The following ATP1A1 variants were observed in gnomAD, a reference collection of about 807,000 sequenced individuals.
ATP1A1 encodes sodium/potassium-transporting ATPase subunit alpha-1.
In ATP1A1, 14 loss-of-function variants were observed where a neutral mutation model predicts 114.8. The observed-to-expected ratio is 0.12, with a 90% CI of 0.08 to 0.19. The LOEUF (loss-of-function observed/expected upper bound fraction) is 0.19. Ranked by LOEUF, ATP1A1 falls within the 10% of genes least tolerant of loss-of-function variation. The pLI is 1.00. For synonymous variants in ATP1A1, 471 were observed against 466.3 expected (o/e 1.01, Z -0.13); for missense variants, 524 against 1,290.7 (o/e 0.41, Z 9.10).
chr1:116,388,969 A>G lies in ATP1A1; in HGVS notation c.704A>G (p.Asn235Ser). 6.2e-7 allele frequency: 1 copy of G among 1,613,900 alleles called. No individual in the cohort carries two copies. Among genetic ancestry groups the G allele is most frequent in the Non-Finnish European group, 8.5e-7 (1 of 1,179,974 alleles). ...QTRSPDFTNE[N>S]PLETRNIAFF... Reference sequence around the variant, plus strand: ...AGGTCTCCAGATTTCACAAATGAAAACCCCCTGGAGACGAGGAACATTGCC... The same window carrying G: ...AGGTCTCCAGATTTCACAAATGAAAGCCCCCTGGAGACGAGGAACATTGCC... Residue 235 changes from asparagine (N) to serine (S), a missense_variant, in exon 7 of 23, where the codon AAC becomes AGC. Transcript: ENST00000295598. The surrounding 1 kb of genome is among the most constrained non-coding windows in gnomAD (Gnocchi z 5.6).
Position 116,398,264 on chromosome 1 carries a change from G to A in ATP1A1, c.2124+226G>A, listed in dbSNP as rs1262965949. Reference sequence around the variant, plus strand: ...AGGTGTCCACTGTGTCCCAGAGCCTGACCGCTCCGTGGAGTCATCTGATAT... The same window carrying A: ...AGGTGTCCACTGTGTCCCAGAGCCTAACCGCTCCGTGGAGTCATCTGATAT... On this transcript the variant is annotated intron_variant, in intron 15 of 22. Transcript: ENST00000295598. This position sits in a 1 kb window ranked among gnomAD's most constrained non-coding sequence, Gnocchi z 6.1. 6.6e-6 allele frequency among the ~76,000 whole-genome samples: 1 copy of A among 152,200 alleles called. No individual in the cohort carries two copies. Among genetic ancestry groups the A allele is most frequent in the Non-Finnish European group, 1.5e-5 (1 of 68,042 alleles).
Position 116,398,338 on chromosome 1 carries a change from G to A in ATP1A1, c.2125-283G>A, listed in dbSNP as rs555015366. Among the ~76,000 whole-genome samples, 5 of 152,288 alleles carry A rather than the reference G, an allele frequency of 3.3e-5. No individual in the cohort carries two copies. Among genetic ancestry groups the A allele is most frequent in the South Asian group, 2.1e-4 (1 of 4,822 alleles). On this transcript the variant is annotated intron_variant, in intron 15 of 22. Transcript: ENST00000295598. The surrounding 1 kb of genome is among the most constrained non-coding windows in gnomAD (Gnocchi z 6.1). Reference sequence around the variant, plus strand: ...GATGTGAGTGGTCAGACTACAGGGCGTGCATACAGGAATGGCATTTTCTGG... The same window carrying A: ...GATGTGAGTGGTCAGACTACAGGGCATGCATACAGGAATGGCATTTTCTGG...
intron 21 of ATP1A1, among the ~76,000 whole-genome samples, chr1:116,402,444 G>C (rs1490904320): frequency 6.6e-6 from 1 of 152,126 alleles, no homozygotes; most frequent in Admixed American, 6.5e-5. Context: ...AGACCCGTCT[G>C]GACCATCTCT....
chr1:116,384,649 C>T lies in ATP1A1; in HGVS notation c.124-134C>T. The T allele has an allele frequency of 1.4e-6, 1 of 727,094 alleles. No individual in the cohort carries two copies. Among genetic ancestry groups the T allele is most frequent in the Non-Finnish European group, 2.2e-6 (1 of 452,264 alleles). 45.0% of individuals were successfully genotyped at this position (727,094 alleles called of 1,614,324 possible). On this transcript the variant is annotated intron_variant, in intron 2 of 22. Coordinates refer to ENST00000295598, the MANE Select transcript of ATP1A1 (RefSeq NM_000701.8). The surrounding 1 kb of genome is among the most constrained non-coding windows in gnomAD (Gnocchi z 5.1). ...CCACAAAGCGATGGTGAAAATTGTA[C>T]CAACTTATGCACTGAAGAAAACATC...
chr1:116,395,823 C>T lies in ATP1A1; in HGVS notation c.1836+538C>T, dbSNP rs1012640541. Among the ~76,000 whole-genome samples, 9 of 152,320 alleles carry T rather than the reference C, an allele frequency of 5.9e-5. No homozygotes were observed. Among genetic ancestry groups the T allele is most frequent in the Admixed American group, 3.9e-4 (6 of 15,308 alleles). ...CTGGAATGTCATAGCACGATCTCGGCTCACTGCAACCTCCGCCTCCCAGGT... is the reference window on the plus strand; with the variant it reads ...CTGGAATGTCATAGCACGATCTCGGTTCACTGCAACCTCCGCCTCCCAGGT... On this transcript the variant is annotated intron_variant, in intron 13 of 22. Coordinates refer to ENST00000295598, the MANE Select transcript of ATP1A1 (RefSeq NM_000701.8). This position sits in a 1 kb window ranked among gnomAD's most constrained non-coding sequence, Gnocchi z 6.4.
intron 1 of ATP1A1, among the ~76,000 whole-genome samples, chr1:116,375,312 T>C (rs1285681928): frequency 6.6e-6 from 1 of 152,212 alleles, no homozygotes; most frequent in African/African-American, 2.4e-5. Flanking sequence ...ATTTACTCTT[T>C]AACATTGAGT....
In ATP1A1 at chr1:116,388,533, T is replaced by G; in HGVS notation, c.502-105T>G. 1 of 1,424,628 alleles carries G rather than the reference T, an allele frequency of 7.0e-7. No individual in the cohort carries two copies. Among genetic ancestry groups the G allele is most frequent in the Non-Finnish European group, 9.5e-7 (1 of 1,050,664 alleles). 88.2% of individuals were successfully genotyped at this position (1,424,628 alleles called of 1,614,324 possible). A position where few individuals can be genotyped will look rare whatever the true frequency, so the allele number is the denominator to read the frequency against. Reference sequence around the variant, plus strand: ...ATAAAAAAGTGAATAATATCTTTGTTTTGTATTCAGGTAATTAGGATTATG... The same window carrying G: ...ATAAAAAAGTGAATAATATCTTTGTGTTGTATTCAGGTAATTAGGATTATG... On this transcript the variant is annotated intron_variant, in intron 5 of 22. Transcript: ENST00000295598. The surrounding 1 kb of genome is among the most constrained non-coding windows in gnomAD (Gnocchi z 5.6).
chr1:116,390,722 A>G (rs1426000889), intron 9 of ATP1A1, 60 bp from the exon 10 acceptor site: 2 of 1,378,134 alleles, frequency 1.5e-6, no homozygotes, highest in African/African-American at 2.9e-5. Context: ...AGGAGAACTG[A>G]GAACACAGCC....
intron 1 of ATP1A1, among the ~76,000 whole-genome samples, chr1:116,380,594 C>A (rs759055333): frequency 1.3e-5 from 2 of 151,844 alleles, no homozygotes; most frequent in Non-Finnish European, 2.9e-5. Flanking sequence ...TGGCTAATTG[C>A]CAAAAAAGAG....
chr1:116,373,438 C>G lies in ATP1A1; in HGVS notation c.-74C>G. ...GCTCCCCTGGTCCCGCTCGCTCGGC[C>G]GGGAGCTGCTCTGTGCTTTTCTCTC... is the stretch of plus-strand genomic sequence containing the variant. On this transcript the variant is annotated 5_prime_UTR_variant, in exon 1 of 23. Coordinates refer to ENST00000295598, the MANE Select transcript of ATP1A1 (RefSeq NM_000701.8). The G allele has an allele frequency of 2.0e-6, 3 of 1,481,748 alleles. No homozygotes were observed. The highest frequency in any genetic ancestry group is 3.4e-4 in the Middle Eastern group (2 of 5,798). 91.8% of individuals were successfully genotyped at this position (1,481,748 alleles called of 1,614,324 possible). A position where few individuals can be genotyped will look rare whatever the true frequency, so the allele number is the denominator to read the frequency against.
rs1652600657 is a variant in ATP1A1 at position 116,393,051 on chromosome 1, A to G, written c.1467+63A>G. 3 of 1,588,226 alleles carry G rather than the reference A, an allele frequency of 1.9e-6. No homozygotes were observed. The highest frequency in any genetic ancestry group is 1.8e-4 in the Middle Eastern group (1 of 5,450). On this transcript the variant is annotated intron_variant, in intron 11 of 22. Coordinates refer to ENST00000295598, the MANE Select transcript of ATP1A1 (RefSeq NM_000701.8). The surrounding 1 kb of genome is among the most constrained non-coding windows in gnomAD (Gnocchi z 5.0). ...GCTGGGGGACAAAGAGGGGAGGTAC[A>G]TGAGCAGGAAGAGGAAATATTCTCC... is the stretch of plus-strand genomic sequence containing the variant.
intron 12 of ATP1A1, among the ~76,000 whole-genome samples, chr1:116,394,336 C>T (rs1652727309): frequency 6.6e-6 from 1 of 152,176 alleles, no homozygotes; most frequent in African/African-American, 2.4e-5. Context: ...ATACTACATT[C>T]ATTATTTATA....
chr1:116,391,929 A>T (rs1244797471), intron 10 of ATP1A1, among the ~76,000 whole-genome samples: 1 of 152,110 alleles, frequency 6.6e-6, no homozygotes, highest in African/African-American at 2.4e-5. Context: ...AAAAGCGGGG[A>T]GGGAGAAGCA....
At chr1:116,392,012 T>C (rs1339781807) in intron 10 of ATP1A1, among the ~76,000 whole-genome samples, 3 of 152,242 alleles carry the variant, frequency 2.0e-5, no homozygotes, top group Non-Finnish European at 4.4e-5. Context: ...CCCCCACTTA[T>C]TTTGTGTTTC....
chr1:116,400,856 C>T lies in ATP1A1; in HGVS notation c.2573-5C>T. 6.2e-7 allele frequency: 1 copy of T among 1,614,088 alleles called. No individual in the cohort carries two copies. Among genetic ancestry groups the T allele is most frequent in the Non-Finnish European group, 8.5e-7 (1 of 1,179,992 alleles). Reference sequence around the variant, plus strand: ...TCTAGTAATTGGGTTGTTTTCCCAACTTAGGAATGATCCAGGCCCTGGGAG... The same window carrying T: ...TCTAGTAATTGGGTTGTTTTCCCAATTTAGGAATGATCCAGGCCCTGGGAG... On this transcript the variant is annotated splice_region_variant and splice_polypyrimidine_tract_variant and intron_variant, in intron 18 of 22. Coordinates refer to ENST00000295598, the MANE Select transcript of ATP1A1 (RefSeq NM_000701.8).
intron 18 of ATP1A1, among the ~76,000 whole-genome samples, chr1:116,400,342 T>A (rs1316583322): frequency 4.6e-5 from 7 of 152,292 alleles, no homozygotes; most frequent in Non-Finnish European, 8.8e-5. Flanking sequence ...AGGTCTCTGG[T>A]GGTTTAGGAT....
rs957107450 is a variant in ATP1A1, at chr1:116,389,369, T to G, written c.755-70T>G. 5 of 1,575,934 alleles carry G rather than the reference T, an allele frequency of 3.2e-6. No individual in the cohort carries two copies. In the African/African-American group the frequency reaches 4.1e-5, roughly 13 times the overall value. On this transcript the variant is annotated intron_variant, in intron 7 of 22. Coordinates refer to ENST00000295598, the MANE Select transcript of ATP1A1 (RefSeq NM_000701.8). This position sits in a 1 kb window ranked among gnomAD's most constrained non-coding sequence, Gnocchi z 6.9. ...TGTTTTTTTAGTCATCCTATGTAAT[T>G]GTGTAAAATCCGTGGCTTCCTTCAG...
rs1319837128 is a variant in ATP1A1, at chr1:116,390,305, C to T, written c.1116C>T (p.Thr372=). ...TGGAGACCTTGGGGTCCACGTCCAC[C>T]ATCTGCTCTGATAAAACTGGAACTC... ...EAVETLGSTS[T]ICSDKTGTLT... Residue 372 remains threonine, a synonymous_variant, in exon 9 of 23, where the codon ACC becomes ACT. Transcript: ENST00000295598. 6.2e-7 allele frequency: 1 copy of T among 1,614,052 alleles called. No individual in the cohort carries two copies. Among genetic ancestry groups the T allele is most frequent in the Non-Finnish European group, 8.5e-7 (1 of 1,179,990 alleles).
At position 116,381,829 on chromosome 1, in the gene ATP1A1, A is replaced by G. The variant is rs111557891; in HGVS notation, c.13-2185A>G. Among the ~76,000 whole-genome samples, 4,049 of 152,320 alleles carry G rather than the reference A, an allele frequency of 0.027. 185 individuals are homozygous for G. Among genetic ancestry groups the G allele is most frequent in the African/African-American group, 0.09 (3,745 of 41,548 alleles). On this transcript the variant is annotated intron_variant, in intron 1 of 22. Transcript: ENST00000295598. This position sits in a 1 kb window ranked among gnomAD's most constrained non-coding sequence, Gnocchi z 5.1. ...GGTTATAACTATTTCATTTATTGAA[A>G]TATATTTCAATGATATTCAACTTGC...
Sources: gnomAD v4.1 joint callset for allele counts (sites outside exome capture counted in the v4.1 genomes callset) on GRCh38, gnomAD v4.1.1 for gene constraint, Gnocchi (gnomAD v3.1) non-coding constraint, MANE v1.5 for transcripts, NCBI Gene and HGNC (gene_info 2026-07-23, HGNC 2026-07-21) for gene names.